The following USP40 variants were observed in gnomAD, a reference collection of about 807,000 sequenced individuals.
The protein encoded by USP40 is ubiquitin carboxyl-terminal hydrolase 40.
USP40 carries 143 observed loss-of-function variants against 166.2 expected under a neutral mutation model. The observed-to-expected ratio is 0.86, with a 90% confidence interval of 0.75 to 0.99. USP40 has a LOEUF of 0.99. Ranked by LOEUF, USP40 falls within the 50% of genes least tolerant of loss-of-function variation. The pLI is 0.00. For missense variants in USP40, 1,444 were observed against 1,479.7 expected (o/e 0.98, Z 0.40); for synonymous variants, 498 against 524.0 (o/e 0.95, Z 0.68).
At chr2:233,543,129 C>G (rs1485742696) in intron 8 of USP40, among the ~76,000 whole-genome samples, 1 of 152,140 alleles carries the variant, frequency 6.6e-6, no homozygotes, top group Non-Finnish European at 1.5e-5. Context: ...TCAAAATTCC[C>G]CGGTAAGTTA....
intron 2 of USP40, 55 bp from the exon 3 acceptor site, chr2:233,562,858 T>G: frequency 1.4e-6 from 2 of 1,424,354 alleles, no homozygotes; most frequent in Admixed American, 5.4e-5. Flanking sequence ...TTTTAAAAAA[T>G]TGTTTTAGAA....
chr2:233,566,039 A>C (rs2072111979), intron 1 of USP40, among the ~76,000 whole-genome samples: 1 of 151,922 alleles, frequency 6.6e-6, no homozygotes, highest in Non-Finnish European at 1.5e-5. Context: ...TGCTTGTCAC[A>C]CCCTTCAGTA....
chr2:233,483,202 C>T (rs1164829023), intron 30 of USP40, among the ~76,000 whole-genome samples: 1 of 152,062 alleles, frequency 6.6e-6, no homozygotes, highest in Non-Finnish European at 1.5e-5. Context: ...TTTAAGAAAT[C>T]CTTCTTGCCA....
intron 23 of USP40, among the ~76,000 whole-genome samples, chr2:233,497,399 C>T (rs73997636): frequency 0.014 from 2,117 of 152,130 alleles, 37 homozygotes; most frequent in African/African-American, 0.046. Context: ...AAGCAGGGAA[C>T]GCCTGGGCCC....
intron 24 of USP40, among the ~76,000 whole-genome samples, chr2:233,495,625 AC>A (rs1414983768): frequency 6.6e-6 from 1 of 152,144 alleles, no homozygotes; most frequent in Non-Finnish European, 1.5e-5. Context: ...AAAAGCTAGC[AC>A]ACTTCAGTGT....
chr2:233,532,887 C>T (rs1004319612), intron 11 of USP40, among the ~76,000 whole-genome samples: 2 of 152,040 alleles, frequency 1.3e-5, no homozygotes, highest in Non-Finnish European at 2.9e-5. Context: ...AACAATCATG[C>T]CACTGCACTC....
intron 3 of USP40, among the ~76,000 whole-genome samples, chr2:233,560,378 G>A (rs1267618611): frequency 6.6e-6 from 1 of 152,150 alleles, no homozygotes; most frequent in Non-Finnish European, 1.5e-5. Flanking sequence ...TGCCTTACTT[G>A]ATGTGGTGAG....
At chr2:233,482,003 C>T (rs375078937) in intron 30 of USP40, among the ~76,000 whole-genome samples, 1 of 152,184 alleles carries the variant, frequency 6.6e-6, no homozygotes, top group Non-Finnish European at 1.5e-5. Context: ...GCTGCATTCT[C>T]AGGTGTGGAG....
At position 233,521,123 on chromosome 2, in the gene USP40, A is replaced by G. The variant is rs1235368857; in HGVS notation, c.2202-9T>C. The G allele has an allele frequency of 1.9e-6, 3 of 1,605,688 alleles. No individual in the cohort carries two copies. The highest frequency in any genetic ancestry group is 3.5e-5 in the Admixed American group (2 of 57,810). ...CTTCCTTGGTCAACAAGCTGTAGGT[A>G]AAAAGAAAAGATCAGAAATTAATAC... On this transcript the variant is annotated splice_polypyrimidine_tract_variant and intron_variant, in intron 16 of 31. Coordinates refer to ENST00000678225, the MANE Select transcript of USP40 (RefSeq NM_001365479.2).
intron 2 of USP40, 124 bp downstream of exon 2, chr2:233,565,232 A>T: frequency 2.6e-6 from 2 of 775,042 alleles, no homozygotes; most frequent in Non-Finnish European, 4.0e-6. Flanking sequence ...TTATATGTGC[A>T]ACAATAAACA....
chr2:233,505,901 T>C lies in USP40; in HGVS notation c.2613+4148A>G, dbSNP rs979063738. ...TATAGGCCAATATCCCTGATGAACA[T>C]AGATGAAAAACTGTCAACAAGGTAT... On this transcript the variant is annotated intron_variant, in intron 21 of 31. Transcript: ENST00000678225. 3.3e-5 allele frequency among the ~76,000 whole-genome samples: 5 copies of C among 152,158 alleles called. No individual in the cohort carries two copies. The East Asian group carries it at 9.7e-4, about 29-fold the overall frequency.
At position 233,525,557 on chromosome 2, in the gene USP40, T is replaced by G; in HGVS notation, c.1731A>C (p.Leu577Phe). ...GAACCATGTCTCCTTCCCAAAATTC[T>G]AACAGCTGAAGAATATTAATGAAGG... The part of the protein sequence containing the change: ...GDLRQSIFQL[L>F]EFWEGDMVLS... The change falls in exon 14 of 32, where the codon TTA becomes TTC. Residue 577 changes from leucine to phenylalanine, a missense_variant. Leu to Phe is a conservative substitution (Grantham distance 22). Coordinates refer to ENST00000678225, the MANE Select transcript of USP40 (RefSeq NM_001365479.2). 3 of 1,611,516 alleles carry G rather than the reference T, an allele frequency of 1.9e-6. No individual in the cohort carries two copies. Among genetic ancestry groups the G allele is most frequent in the Non-Finnish European group, 2.5e-6 (3 of 1,177,990 alleles).
Position 233,529,330 on chromosome 2 carries a change from A to AT in USP40, c.1553+100dup, listed in dbSNP as rs144450622. The AT allele has an allele frequency of 1.5e-3, 1,513 of 987,254 alleles. 14 individuals are homozygous for AT. The African/African-American group carries it at 0.02, about 13-fold the overall frequency. The allele number at this position is 987,254 out of a possible 1,614,324, so 61.2% of individuals were successfully genotyped here. A position where few individuals can be genotyped will look rare whatever the true frequency, so the allele number is the denominator to read the frequency against. The stretch of plus-strand genomic sequence containing the variant: ...AGACACTTGCATTAACAAGTTGACT[A>AT]TTTTTTTTCTTTTTAATTTTCATTA... On this transcript the variant is annotated intron_variant, in intron 12 of 31. Coordinates refer to ENST00000678225, the MANE Select transcript of USP40 (RefSeq NM_001365479.2).
intron 2 of USP40, 24 bp from the exon 3 acceptor site, chr2:233,562,827 G>A: frequency 6.7e-7 from 1 of 1,488,954 alleles, no homozygotes; most frequent in Non-Finnish European, 9.0e-7. Context: ...TAGAATCAGA[G>A]ATGCAAATGA....
intron 30 of USP40, 55 bp from the exon 31 acceptor site, chr2:233,481,352 T>C (rs901231479): frequency 4.1e-6 from 6 of 1,472,442 alleles, no homozygotes; most frequent in Non-Finnish European, 4.6e-6. Flanking sequence ...TTAGCCTACA[T>C]TTAAAAGAGG....
chr2:233,494,948 A>T (rs868533652), intron 24 of USP40, among the ~76,000 whole-genome samples: 480 of 32,312 alleles, frequency 0.015, 6 homozygotes, highest in African/African-American at 0.084. Flanking sequence ...ATATATATAT[A>T]TATATATTTA....
intron 9 of USP40, among the ~76,000 whole-genome samples, chr2:233,541,541 T>C (rs1434503498): frequency 1.3e-5 from 2 of 152,170 alleles, no homozygotes; most frequent in African/African-American, 4.8e-5. Flanking sequence ...TGTCAGAAAA[T>C]ACATTTCTAT....
chr2:233,543,215 T>C (rs1473496059), intron 8 of USP40, among the ~76,000 whole-genome samples: 1 of 152,208 alleles, frequency 6.6e-6, no homozygotes, highest in African/African-American at 2.4e-5. Flanking sequence ...GAAATACAGA[T>C]AGTCCTAAAC....
At chr2:233,566,307 C>A (rs1397743179) in intron 1 of USP40, among the ~76,000 whole-genome samples, 1 of 152,112 alleles carries the variant, frequency 6.6e-6, no homozygotes, top group African/African-American at 2.4e-5. Flanking sequence ...GGCGGAGGGT[C>A]ACTTGGAGAT....
Sources: allele counts gnomAD v4.1 joint callset (sites outside exome capture counted in the v4.1 genomes callset), GRCh38; gene constraint gnomAD v4.1.1; transcripts MANE v1.5; gene names NCBI Gene and HGNC (gene_info 2026-07-23, HGNC 2026-07-21).